The following ZNF846 variants were observed in gnomAD, a reference collection of about 807,000 sequenced individuals.
The protein encoded by ZNF846 is zinc finger protein 420 pseudogene.
ZNF846 carries 15 observed loss-of-function variants against 16.0 expected under a neutral mutation model. That is an observed-to-expected ratio of 0.94 (90% CI 0.63 to 1.45). The LOEUF (loss-of-function observed/expected upper bound fraction) is 1.45, where lower values mean the gene tolerates loss of function less well. Ranked by LOEUF, ZNF846 falls within the 40% of genes most tolerant of loss-of-function variation. The probability of loss-of-function intolerance (pLI) is 0.00; values close to 1 mark genes in which losing one functional copy is unlikely to be tolerated. For synonymous variants in ZNF846, 229 were observed against 212.0 expected (o/e 1.08, Z -0.70); for missense variants, 714 against 622.3 (o/e 1.15, Z -1.57).
At chr19:9,774,617 C>T (rs901286460) in intron 1 of ZNF846, 2 of 1,475,304 alleles carry the variant, frequency 1.4e-6, no homozygotes, top group African/African-American at 1.4e-5. Flanking sequence ...GCTTATTGTT[C>T]CTGACAACTC....
chr19:9,783,748 G>A (rs2045529851), intron 1 of ZNF846, among the ~76,000 whole-genome samples: 1 of 150,898 alleles, frequency 6.6e-6, no homozygotes, highest in African/African-American at 2.4e-5. Flanking sequence ...GAGTACAGTG[G>A]CACAATCACT....
chr19:9,753,895 T>C (rs2045108385), downstream of ZNF846, among the ~76,000 whole-genome samples: 1 of 151,706 alleles, frequency 6.6e-6, no homozygotes, highest in Admixed American at 6.6e-5. Context: ...TGGGGTGGGT[T>C]GTGCCAACTG....
downstream of ZNF846, among the ~76,000 whole-genome samples, chr19:9,754,563 T>TCAAA (rs776769152): frequency 2.3e-4 from 19 of 83,790 alleles, 2 homozygotes; most frequent in South Asian, 3.1e-4. Flanking sequence ...AGACTCTGTC[T>TCAAA]TAAAAAAAAA....
chr19:9,767,843 A>G lies in ZNF846; in HGVS notation c.-86+446T>C, dbSNP rs2145264906. On this transcript the variant is annotated intron_variant, in intron 1 of 5. Transcript: ENST00000397902. ...CAGTTACTCAGCATGCTGAGGCAGGAGAATCGCTTGGACCGGGAGACAGAG... is the reference window on the plus strand; with the variant it reads ...CAGTTACTCAGCATGCTGAGGCAGGGGAATCGCTTGGACCGGGAGACAGAG... Among the ~76,000 whole-genome samples, 2 of 152,276 alleles carry G rather than the reference A, an allele frequency of 1.3e-5. 1 individual carries two copies. The highest frequency in any genetic ancestry group is 6.8e-3 in the Middle Eastern group (2 of 294).
chr19:9,760,008 G>A, intron 4 of ZNF846, 66 bp from the exon 5 acceptor site: 2 of 1,256,312 alleles, frequency 1.6e-6, no homozygotes, highest in South Asian at 2.5e-5. Context: ...AAAAGCCTAT[G>A]GGGCTGGGCG....
At chr19:9,785,196 C>G (rs918513148) in intron 1 of ZNF846, among the ~76,000 whole-genome samples, 2 of 148,880 alleles carry the variant, frequency 1.3e-5, no homozygotes, top group Non-Finnish European at 3.0e-5. Context: ...CCCCCTTCAC[C>G]GAGATTTTTT....
downstream of ZNF846, chr19:9,756,199 T>C (rs2045132243): frequency 6.6e-6 from 1 of 150,404 alleles, no homozygotes; most frequent in Non-Finnish European, 1.5e-5. Flanking sequence ...ACAAGTATAG[T>C]AAGACTTGTA....
exon 2 of ZNF846, chr19:9,764,949 A>G (rs1450183290): frequency 1.9e-6 from 3 of 1,614,198 alleles, no homozygotes; most frequent in East Asian, 2.2e-5. Flanking sequence ...AGAAGAATCC[A>G]TCAGTAATCC....
intron 3 of ZNF846, 49 bp downstream of exon 3, chr19:9,763,233 A>G (rs1408244058): frequency 6.7e-7 from 1 of 1,497,176 alleles, no homozygotes; most frequent in Non-Finnish European, 9.0e-7. Context: ...AACATTTAAG[A>G]AACATTGATT....
Position 9,768,107 on chromosome 19 carries a change from G to T in ZNF846, c.-86+182C>A, listed in dbSNP as rs1788165950. Among the ~76,000 whole-genome samples the T allele has an allele frequency of 2.0e-5, 3 of 152,174 alleles. No homozygotes were observed. In the South Asian group the frequency reaches 6.2e-4, roughly 31 times the overall value. On this transcript the variant is annotated intron_variant, in intron 1 of 5. Coordinates refer to ENST00000397902, the Ensembl canonical transcript of ZNF846. ...TGACCTAGGAAGTTCAGCTGCTTTT[G>T]ATCTCAAAAACACAGCGGAGTATTG...
At chr19:9,782,367 C>T (rs1295913591) in intron 1 of ZNF846, among the ~76,000 whole-genome samples, 1 of 151,722 alleles carries the variant, frequency 6.6e-6, no homozygotes, top group Non-Finnish European at 1.5e-5. Context: ...TGGGCTCAAG[C>T]AATCCTCCAG....
chr19:9,770,012 T>A (rs2045375378), upstream of ZNF846, among the ~76,000 whole-genome samples: 1 of 151,430 alleles, frequency 6.6e-6, no homozygotes, highest in Non-Finnish European at 1.5e-5. Flanking sequence ...AACCTGTTAA[T>A]CCATAAAATG....
At chr19:9,762,019 G>T in intron 4 of ZNF846, 63 bp downstream of exon 4, 1 of 1,369,128 alleles carries the variant, frequency 7.3e-7, no homozygotes, top group Non-Finnish European at 1.0e-6. Context: ...CATTTCCAAT[G>T]TACTGCATGT....
chr19:9,750,173 A>C (rs74413966), downstream of ZNF846, among the ~76,000 whole-genome samples: 136 of 152,228 alleles, frequency 8.9e-4, 4 homozygotes, highest in East Asian at 0.024. Context: ...CAAACTAAAA[A>C]ACATTGGCAG....
chr19:9,774,607 G>A (rs574807519), intron 1 of ZNF846: 1 of 1,504,614 alleles, frequency 6.6e-7, no homozygotes, highest in Non-Finnish European at 9.2e-7. Flanking sequence ...CTTAGCAAGG[G>A]CTTATTGTTC....
At chr19:9,760,336 T>C (rs930079747) in intron 4 of ZNF846, among the ~76,000 whole-genome samples, 26 of 150,274 alleles carry the variant, frequency 1.7e-4, no homozygotes, top group Admixed American at 2.0e-4. Context: ...TAATCAAATG[T>C]GGCAGAGTGA....
At chr19:9,753,654 T>C (rs1378186846), downstream of ZNF846, among the ~76,000 whole-genome samples, 3 of 151,818 alleles carry the variant, frequency 2.0e-5, no homozygotes, top group African/African-American at 7.3e-5. Context: ...ACCTTGTGAA[T>C]TCTTGCTTCA....
intron 1 of ZNF846, among the ~76,000 whole-genome samples, chr19:9,774,183 C>T (rs1211728146): frequency 6.6e-6 from 1 of 151,976 alleles, no homozygotes; most frequent in Non-Finnish European, 1.5e-5. Context: ...ATATAACAAT[C>T]CCAGGCCGGG....
Position 9,774,631 on chromosome 19 carries a change from A to G in ZNF846, c.-85-9596T>C, listed in dbSNP as rs185216065. On this transcript the variant is annotated intron_variant, in intron 1 of 4. Coordinates refer to the ZNF846 transcript ENST00000586814. ...GGCTTATTGTTCCTGACAACTCTCC[A>G]TATGATTAGGTGACCTTCAGAATCG... is the stretch of plus-strand genomic sequence containing the variant. 63 of 1,453,058 alleles carry G rather than the reference A, an allele frequency of 4.3e-5. No homozygotes were observed. In the Admixed American group the frequency reaches 4.4e-4, roughly 10 times the overall value. 90.0% of individuals were successfully genotyped at this position (1,453,058 alleles called of 1,614,324 possible).
Sources: allele counts gnomAD v4.1 joint callset (sites outside exome capture counted in the v4.1 genomes callset), GRCh38; gene constraint gnomAD v4.1.1; transcripts MANE v1.5; gene names NCBI Gene and HGNC (gene_info 2026-07-23, HGNC 2026-07-21).